GRM8: variants seen among roughly 807,000 people sequenced by gnomAD.
GRM8 encodes the protein glutamate metabotropic receptor 8.
GRM8 carries 47 observed loss-of-function variants against 87.2 expected under a neutral mutation model. The observed-to-expected ratio is 0.54, with a 90% confidence interval of 0.43 to 0.69. GRM8 has a LOEUF of 0.69. Ranked by LOEUF, GRM8 falls within the 30% of genes least tolerant of loss-of-function variation. GRM8 has a pLI of 0.00. For missense variants in GRM8, 1,019 were observed against 1,139.2 expected (o/e 0.89, Z 1.52); for synonymous variants, 396 against 404.5 (o/e 0.98, Z 0.25).
chr7:126,563,906 C>G (rs190478201), intron 8 of GRM8, among the ~76,000 whole-genome samples: 2 of 152,284 alleles, frequency 1.3e-5, no homozygotes, highest in East Asian at 3.9e-4. Context: ...AAGTGCTTAT[C>G]GCTAGAAATT....
At chr7:127,036,296 G>A (rs1817834712) in intron 3 of GRM8, among the ~76,000 whole-genome samples, 1 of 152,086 alleles carries the variant, frequency 6.6e-6, no homozygotes, top group Non-Finnish European at 1.5e-5. Flanking sequence ...TAATGGAAGT[G>A]GGGTATCTTT....
At chr7:126,504,529 T>TA (rs902736984) in intron 9 of GRM8, among the ~76,000 whole-genome samples, 3 of 152,002 alleles carry the variant, frequency 2.0e-5, no homozygotes, top group Non-Finnish European at 4.4e-5. Context: ...AATGAGAACT[T>TA]AAAACCTATC....
At chr7:126,732,095 A>AG (rs1425499946) in intron 7 of GRM8, among the ~76,000 whole-genome samples, 1 of 152,092 alleles carries the variant, frequency 6.6e-6, no homozygotes, top group East Asian at 1.9e-4. Flanking sequence ...ATGTGCTAGT[A>AG]GTTATTTCTT....
At chr7:126,730,891 A>T (rs2151481614) in intron 7 of GRM8, among the ~76,000 whole-genome samples, 1 of 152,212 alleles carries the variant, frequency 6.6e-6, no homozygotes, top group East Asian at 1.9e-4. Context: ...CATTTACTTA[A>T]TTTAGTTATC....
chr7:126,439,268 T>C (rs1801181163), intron 10 of GRM8, 100 bp from the exon 11 acceptor site: 1 of 749,978 alleles, frequency 1.3e-6, no homozygotes, highest in South Asian at 1.5e-5. Context: ...TTTTTAATAA[T>C]ATCCAGCTTT....
In GRM8 at chr7:126,446,379, G is replaced by GAA; in HGVS notation, c.2431-9_2431-8dup. On this transcript the variant is annotated splice_region_variant and splice_polypyrimidine_tract_variant and intron_variant, in intron 9 of 10. Transcript: ENST00000339582. ...TTGTTGTCTGGATGTACATCTGAGGGAAGAAAAAAAAAAGAATCACTGTTG... is the reference window on the plus strand; with the variant it reads ...TTGTTGTCTGGATGTACATCTGAGGGAAAAGAAAAAAAAAAGAATCACTGTTG... The GAA allele has an allele frequency of 1.3e-6, 2 of 1,551,280 alleles. No homozygotes were observed. The highest frequency in any genetic ancestry group is 3.9e-5 in the Admixed American group (2 of 51,608).
chr7:126,497,577 T>TG (rs1176910442), intron 9 of GRM8, among the ~76,000 whole-genome samples: 1 of 152,012 alleles, frequency 6.6e-6, no homozygotes, highest in Non-Finnish European at 1.5e-5. Flanking sequence ...ACATTCTCCT[T>TG]GGCCTGTTGA....
chr7:126,645,419 GC>G (rs1802919953), intron 7 of GRM8, among the ~76,000 whole-genome samples: 1 of 152,132 alleles, frequency 6.6e-6, no homozygotes, highest in South Asian at 2.1e-4. Flanking sequence ...GCACACAAAG[GC>G]TGTTTTCCAC....
At chr7:127,044,082 C>T (rs1818700183) in intron 3 of GRM8, among the ~76,000 whole-genome samples, 1 of 152,222 alleles carries the variant, frequency 6.6e-6, no homozygotes. Context: ...GTTCCCCCAG[C>T]AGCACTGAGC....
chr7:127,182,001 A>G lies in GRM8; in HGVS notation c.510+60694T>C, dbSNP rs146307576. ...AAACAAAGATAAATAGCTAGGACCT[A>G]ATTAAACTAAAGAGCTTTTGCATGG... is the stretch of plus-strand genomic sequence containing the variant. On this transcript the variant is annotated intron_variant, in intron 2 of 10. Coordinates refer to ENST00000339582, the MANE Select transcript of GRM8 (RefSeq NM_000845.3). Among the ~76,000 whole-genome samples the G allele has an allele frequency of 3.2e-3, 483 of 152,234 alleles. 4 individuals are homozygous for G. The highest frequency in any genetic ancestry group is 0.011 in the African/African-American group (453 of 41,556).
At chr7:127,027,093 T>A (rs1036637262) in intron 3 of GRM8, among the ~76,000 whole-genome samples, 9 of 152,226 alleles carry the variant, frequency 5.9e-5, no homozygotes, top group Non-Finnish European at 1.2e-4. Context: ...AAATAGGGAA[T>A]CCTTTCCCCA....
intron 2 of GRM8, among the ~76,000 whole-genome samples, chr7:127,185,469 C>T (rs1476911972): frequency 1.3e-5 from 2 of 151,936 alleles, no homozygotes; most frequent in East Asian, 3.9e-4. Context: ...AAATTAACTC[C>T]AAACAGACCA....
intron 9 of GRM8, among the ~76,000 whole-genome samples, chr7:126,508,989 AT>A (rs1454643981): frequency 1.3e-5 from 2 of 152,008 alleles, no homozygotes; most frequent in African/African-American, 2.4e-5. Flanking sequence ...GACCCAGGTG[AT>A]TTACAAAAAG....
chr7:126,886,863 C>A (rs1429769857), intron 6 of GRM8, among the ~76,000 whole-genome samples: 1 of 151,958 alleles, frequency 6.6e-6, no homozygotes, highest in Non-Finnish European at 1.5e-5. Context: ...AAAGTTAAAC[C>A]TTAGATGTCT....
At chr7:126,791,539 G>C (rs1406537480) in intron 6 of GRM8, among the ~76,000 whole-genome samples, 1 of 152,208 alleles carries the variant, frequency 6.6e-6, no homozygotes, top group Non-Finnish European at 1.5e-5. Flanking sequence ...GAGTAGAGAA[G>C]GAGGCATTCT....
intron 9 of GRM8, among the ~76,000 whole-genome samples, chr7:126,520,154 A>G (rs1812764729): frequency 1.3e-5 from 2 of 152,228 alleles, no homozygotes; most frequent in South Asian, 2.1e-4. Context: ...AAACACTGTA[A>G]TTTGTTGACA....
chr7:126,943,793 TC>T (rs1013945649), intron 3 of GRM8, among the ~76,000 whole-genome samples: 36 of 152,192 alleles, frequency 2.4e-4, no homozygotes, highest in African/African-American at 8.7e-4. Flanking sequence ...TTGAGCTCAA[TC>T]GAGAGTAAAC....
chr7:126,543,514 A>C (rs1351264164), intron 8 of GRM8, among the ~76,000 whole-genome samples: 1 of 152,236 alleles, frequency 6.6e-6, no homozygotes, highest in Non-Finnish European at 1.5e-5. Flanking sequence ...AATAGGCATC[A>C]ATAACTATTT....
intron 2 of GRM8, among the ~76,000 whole-genome samples, chr7:127,137,206 C>G (rs1306285649): frequency 1.3e-5 from 2 of 151,610 alleles, no homozygotes; most frequent in Admixed American, 6.6e-5. Context: ...CATACACATG[C>G]ATAAACATAC....
Sources: gnomAD v4.1 joint callset for allele counts (sites outside exome capture counted in the v4.1 genomes callset) on GRCh38, gnomAD v4.1.1 for gene constraint, MANE v1.5 for transcripts, NCBI Gene and HGNC (gene_info 2026-07-23, HGNC 2026-07-21) for gene names.